The following EGFR variants were observed in gnomAD, a reference collection of about 807,000 sequenced individuals.
EGFR encodes the protein avian erythroblastic leukemia viral (v-erb-b) oncogene homolog.
EGFR carries 58 observed loss-of-function variants against 143.0 expected under a neutral mutation model. The ratio of observed to expected loss-of-function variants is 0.41; its 90% CI spans 0.33 to 0.50. The LOEUF is 0.50. Among genes scored for constraint, EGFR ranks in the 20% least tolerant of loss-of-function variants. The pLI is 0.39. For synonymous variants in EGFR, 613 were observed against 594.4 expected, an observed-to-expected ratio of 1.03 and a Z score of -0.45; for missense variants, 1,307 against 1,579.0, an observed-to-expected ratio of 0.83 and a Z score of 2.92.
Position 55,131,959 on chromosome 7 carries a change from A to C in EGFR, c.89-10327A>C, listed in dbSNP as rs146874273. Among the ~76,000 whole-genome samples the C allele has an allele frequency of 4.0e-3, 604 of 149,600 alleles. 17 individuals are homozygous for C. In the East Asian group the frequency reaches 0.081, roughly 20 times the overall value. ...TTTCAGAAAAAAAAAAAAAAAAAAG[A>C]AGCACACTGGTGCACTGACCTGCTC... On this transcript the variant is annotated intron_variant, in intron 1 of 27. Transcript: ENST00000275493.
At chr7:55,204,467 A>AC (rs1788016389) in intron 27 of EGFR, among the ~76,000 whole-genome samples, 1 of 143,158 alleles carries the variant, frequency 7.0e-6, no homozygotes, top group African/African-American at 2.6e-5. Flanking sequence ...AACACACACA[A>AC]ATACACACAC....
intron 20 of EGFR, among the ~76,000 whole-genome samples, chr7:55,187,552 A>G (rs1289887853): frequency 6.6e-6 from 1 of 152,100 alleles, no homozygotes; most frequent in African/African-American, 2.4e-5. Flanking sequence ...TAGGAATAGG[A>G]CATTCTGACA....
intron 1 of EGFR, among the ~76,000 whole-genome samples, chr7:55,040,677 G>GTT (rs1269209530): frequency 6.6e-6 from 1 of 152,078 alleles, no homozygotes; most frequent in Non-Finnish European, 1.5e-5. Context: ...TTGAACTACT[G>GTT]TTTTTGTGAC....
intron 1 of EGFR, among the ~76,000 whole-genome samples, chr7:55,084,877 G>A (rs528819688): frequency 2.0e-5 from 3 of 152,164 alleles, no homozygotes; most frequent in Admixed American, 2.0e-4. Flanking sequence ...AGCCTCCAGG[G>A]CTCACCTGCT....
At chr7:55,061,649 T>TGAGAGAGA (rs1174312198) in intron 1 of EGFR, among the ~76,000 whole-genome samples, 2,889 of 132,654 alleles carry the variant, frequency 0.022, 52 homozygotes, top group Non-Finnish European at 0.033. Flanking sequence ...TGTGTGTGTG[T>TGAGAGAGA]GAGAGAGAGA....
At chr7:55,131,348 G>A (rs917068433) in intron 1 of EGFR, among the ~76,000 whole-genome samples, 3 of 150,070 alleles carry the variant, frequency 2.0e-5, no homozygotes, top group African/African-American at 7.4e-5. Flanking sequence ...TGGCTGCATC[G>A]TTCTGCTGAC....
chr7:55,092,703 G>C (rs946963816), intron 1 of EGFR, among the ~76,000 whole-genome samples: 1 of 152,204 alleles, frequency 6.6e-6, no homozygotes, highest in Non-Finnish European at 1.5e-5. Context: ...AGATGTCACC[G>C]AGCACCATGA....
At chr7:55,069,700 C>T (rs758167669) in intron 1 of EGFR, among the ~76,000 whole-genome samples, 2 of 152,204 alleles carry the variant, frequency 1.3e-5, no homozygotes, top group Non-Finnish European at 2.9e-5. Flanking sequence ...ACAGTGTCAG[C>T]AGGCATTTAA....
In EGFR at chr7:55,165,492, C is replaced by T. The variant is rs17290183; in HGVS notation, c.1880+55C>T. 85,370 of 1,563,780 alleles carry T rather than the reference C, an allele frequency of 0.055. 2,455 individuals are homozygous for T. The highest frequency in any genetic ancestry group is 0.093 in the Middle Eastern group (494 of 5,330). ...TTTCCTCTCTTGCAAATTCAGAGAT[C>T]AAAAATGTCTCCCAAGTTTTCCGGC... On this transcript the variant is annotated intron_variant, in intron 15 of 27. Transcript: ENST00000275493.
At chr7:55,202,799 C>A in intron 27 of EGFR, 174 bp downstream of exon 27, 2 of 717,570 alleles carry the variant, frequency 2.8e-6, no homozygotes, top group Non-Finnish European at 5.1e-6. Flanking sequence ...CATGACCGAG[C>A]CTGCACAAGC....
At chr7:55,090,359 G>A (rs1453557962) in intron 1 of EGFR, among the ~76,000 whole-genome samples, 2 of 152,164 alleles carry the variant, frequency 1.3e-5, no homozygotes, top group Non-Finnish European at 2.9e-5. Flanking sequence ...AAAGCTGGCA[G>A]TACAAAGGCC....
At chr7:55,091,065 G>A (rs1436979730) in intron 1 of EGFR, among the ~76,000 whole-genome samples, 1 of 152,220 alleles carries the variant, frequency 6.6e-6, no homozygotes. Flanking sequence ...GTCCCTGAGA[G>A]GTACCAGTGT....
intron 1 of EGFR, among the ~76,000 whole-genome samples, chr7:55,128,004 T>C (rs563157916): frequency 2.0e-5 from 3 of 152,178 alleles, no homozygotes; most frequent in Non-Finnish European, 2.9e-5. Flanking sequence ...GAAGCCAGAG[T>C]TGGCACAGGA....
At chr7:55,128,782 T>C (rs540392431) in intron 1 of EGFR, among the ~76,000 whole-genome samples, 7 of 152,330 alleles carry the variant, frequency 4.6e-5, no homozygotes, top group African/African-American at 1.7e-4. Flanking sequence ...TAGGATGTGA[T>C]AGGAAACTAA....
chr7:55,147,712 G>A (rs761569774), intron 4 of EGFR, among the ~76,000 whole-genome samples: 20 of 152,130 alleles, frequency 1.3e-4, no homozygotes, highest in East Asian at 5.8e-4. Flanking sequence ...CATCACCACC[G>A]TCCACACACA....
intron 6 of EGFR, 43 bp downstream of exon 6, chr7:55,152,707 T>C (rs760286038): frequency 6.5e-7 from 1 of 1,541,664 alleles, no homozygotes; most frequent in South Asian, 1.1e-5. Flanking sequence ...AGGCTGGGGC[T>C]GCACCCGCCC....
At chr7:55,078,506 T>A (rs1047072755) in intron 1 of EGFR, among the ~76,000 whole-genome samples, 2 of 152,164 alleles carry the variant, frequency 1.3e-5, no homozygotes, top group African/African-American at 4.8e-5. Context: ...TCCTCCTCCT[T>A]CCCTCTGAGC....
intron 27 of EGFR, among the ~76,000 whole-genome samples, chr7:55,204,660 C>G (rs1788034191): frequency 7.2e-6 from 1 of 138,910 alleles, no homozygotes. Context: ...ATACACACAC[C>G]ACACACACGT....
At chr7:55,171,897 A>G (rs569129703) in intron 16 of EGFR, among the ~76,000 whole-genome samples, 1 of 152,346 alleles carries the variant, frequency 6.6e-6, no homozygotes, top group East Asian at 1.9e-4. Flanking sequence ...ATCTCTGGTA[A>G]CATTTACAAA....
Sources: allele counts gnomAD v4.1 joint callset (sites outside exome capture counted in the v4.1 genomes callset), GRCh38; gene constraint gnomAD v4.1.1; transcripts MANE v1.5; gene names NCBI Gene and HGNC (gene_info 2026-07-23, HGNC 2026-07-21).